BEND2: variants seen among roughly 807,000 people sequenced by gnomAD.
BEND2 encodes BEN domain containing 2, also known as BEN domain-containing protein 2.
Under a neutral mutation model 43.8 loss-of-function variants are expected in BEND2, and 19 were observed. The observed-to-expected ratio is 0.43, with a 90% CI of 0.30 to 0.64. BEND2 has a LOEUF of 0.64. Ranked by LOEUF, BEND2 falls within the 30% of genes least tolerant of loss-of-function variation. The probability of loss-of-function intolerance (pLI) is 0.11; values close to 1 mark genes in which losing one functional copy is unlikely to be tolerated. For missense variants in BEND2, 544 were observed against 574.0 expected (o/e 0.95, Z 0.53); for synonymous variants, 226 against 210.1 (o/e 1.08, Z -0.66).
Position 18,216,124 on chromosome X carries a change from T to C in BEND2, c.238+397A>G, listed in dbSNP as rs186681202. Among the ~76,000 whole-genome samples the C allele has an allele frequency of 5.3e-3, 587 of 111,742 alleles. 4 individuals are homozygous for C. The highest frequency in any genetic ancestry group is 0.018 in the African/African-American group (563 of 30,750). ...ACTTATGACTTCCAGGAGATTTTTG[T>C]TGCTTCTTTGAGACTTTCTACATAG... On this transcript the variant is annotated intron_variant, in intron 2 of 13. Transcript: ENST00000380033.
intron 6 of BEND2, among the ~76,000 whole-genome samples, chrX:18,198,917 T>C (rs1161059441): frequency 2.8e-5 from 3 of 105,758 alleles, no homozygotes; most frequent in African/African-American, 6.9e-5. Context: ...ATGGATGAAA[T>C]TGGAAATCAT....
chrX:18,212,638 A>T lies in BEND2; in HGVS notation c.419T>A (p.Val140Glu), dbSNP rs183117899. 7 of 1,208,613 alleles carry T rather than the reference A, an allele frequency of 5.8e-6. No individual in the cohort carries two copies. Among genetic ancestry groups the T allele is most frequent in the African/African-American group, 3.5e-5 (2 of 57,227 alleles). ...GTTGTAACTGTATCTTCTTAAATGT[A>T]CTGGGTGGTTTATCTGTGAAACTAT... The part of the protein sequence containing the change: ...DQIVSQINHP[V>E]HLRRYSYNSE... Residue 140 changes from valine (V) to glutamate (E), a missense_variant, in exon 4 of 14, where the codon GTA becomes GAA. Val to Glu is a moderately radical substitution (Grantham distance 121). Around this residue, in one of 2 missense-constraint regions of BEND2, gnomAD observed 501 missense variants for 501.6 expected, o/e 1.00. Transcript: ENST00000380033.
In BEND2 at chrX:18,209,553, G is replaced by T. The variant is rs184425835; in HGVS notation, c.492+3012C>A. On this transcript the variant is annotated intron_variant, in intron 4 of 13. Coordinates refer to ENST00000380033, the MANE Select transcript of BEND2 (RefSeq NM_153346.5). ...CTATCCCCCAATATGATTCAATGAG[G>T]AGATAACATCACTCATGTGTTACTC... Among the ~76,000 whole-genome samples, 30 of 111,731 alleles carry T rather than the reference G, an allele frequency of 2.7e-4. No homozygotes were observed. The East Asian group carries it at 7.6e-3, about 28-fold the overall frequency.
rs1483266404 is a variant in BEND2, at chrX:18,216,829, AACATATTTTAGCTGAAAATTTGTATT to A, written c.26-122_26-97del. The A allele has an allele frequency of 9.6e-5, 65 of 676,824 alleles. No homozygotes were observed. The African/African-American group carries it at 1.1e-3, about 11-fold the overall frequency. The allele number at this position is 676,824 out of a possible 1,213,427, so 55.8% of individuals were successfully genotyped here. A position where few individuals can be genotyped will look rare whatever the true frequency, so the allele number is the denominator to read the frequency against. On this transcript the variant is annotated intron_variant, in intron 1 of 13. Transcript: ENST00000380033. Reference sequence around the variant, plus strand: ...TTATAAAGTTATAGATTGTTTAAAAAACATATTTTAGCTGAAAATTTGTATTACATATTTTTATATCTGTAATCATT... The same window carrying A: ...TTATAAAGTTATAGATTGTTTAAAAAACATATTTTTATATCTGTAATCATT...
intron 11 of BEND2, among the ~76,000 whole-genome samples, chrX:18,175,575 G>A (rs1018673713): frequency 9.0e-6 from 1 of 111,615 alleles, no homozygotes; most frequent in Non-Finnish European, 1.9e-5. Flanking sequence ...AACAAGTAAC[G>A]AAGTGCCTGC....
Position 18,187,004 on chromosome X carries a change from C to A in BEND2, c.1288+3997G>T, listed in dbSNP as rs772316970. Among the ~76,000 whole-genome samples, 1,041 of 105,795 alleles carry A rather than the reference C, an allele frequency of 9.8e-3. 13 individuals carry two copies. Among genetic ancestry groups the A allele is most frequent in the African/African-American group, 0.034 (976 of 29,126 alleles). The allele number at this position is 105,795 out of a possible 115,157, so 91.9% of individuals were successfully genotyped here. A position where few individuals can be genotyped will look rare whatever the true frequency, so the allele number is the denominator to read the frequency against. ...AAAAGATACGATGGACACACACACA[C>A]AAAAACAAGAAATTAAATCATGCCA... On this transcript the variant is annotated intron_variant, in intron 8 of 13. Coordinates refer to ENST00000380033, the MANE Select transcript of BEND2 (RefSeq NM_153346.5).
chrX:18,184,406 C>T (rs973199435), intron 8 of BEND2, among the ~76,000 whole-genome samples: 8 of 111,815 alleles, frequency 7.2e-5, no homozygotes, highest in African/African-American at 2.6e-4. Flanking sequence ...CTCTTGAGCC[C>T]GGGAGGTGGA....
chrX:18,219,800 G>A (rs191901777), intron 1 of BEND2, among the ~76,000 whole-genome samples: 22 of 111,802 alleles, frequency 2.0e-4, no homozygotes, highest in African/African-American at 6.5e-4. Context: ...CCGCTCCTCA[G>A]GAGGCTGAGG....
chrX:18,191,199 T>C, intron 7 of BEND2, 91 bp from the exon 8 acceptor site: 1 of 665,416 alleles, frequency 1.5e-6, no homozygotes, highest in Non-Finnish European at 2.2e-6. Flanking sequence ...GGTGAAACTA[T>C]CCTTCAGGAA....
chrX:18,191,415 T>C lies in BEND2; in HGVS notation c.1181-307A>G, dbSNP rs747308243. 1.6e-4 allele frequency among the ~76,000 whole-genome samples: 18 copies of C among 111,815 alleles called. 2 individuals are homozygous for C. The South Asian group carries it at 6.7e-3, about 42-fold the overall frequency. The stretch of plus-strand genomic sequence containing the variant: ...AGAAACTAGGTCACTCACATGTTGC[T>C]GGTCGGGGTAGAAAATGGTACAGAC... On this transcript the variant is annotated intron_variant, in intron 7 of 13. Coordinates refer to ENST00000380033, the MANE Select transcript of BEND2 (RefSeq NM_153346.5).
chrX:18,165,053 C>T lies in BEND2; in HGVS notation c.2356G>A (p.Glu786Lys), dbSNP rs752606676. Residue 786 changes from glutamate (E) to lysine (K), a missense_variant, in exon 14 of 14, where the codon GAG (glutamate) becomes AAG (lysine). Glu to Lys is a moderately conservative substitution (Grantham distance 56). Coordinates refer to ENST00000380033, the MANE Select transcript of BEND2 (RefSeq NM_153346.5). ...PAVTPPELEQ[E>K]SKPGDPDATD... is the part of the protein sequence containing the mutation. The stretch of plus-strand genomic sequence containing the variant: ...GCGTCGGGATCTCCTGGCTTTGACT[C>T]CTGCTCCAGCTCTGGAGGGGTCACT... 2.2e-5 allele frequency: 26 copies of T among 1,207,760 alleles called. No individual in the cohort carries two copies. In the East Asian group the frequency reaches 7.1e-4, roughly 33 times the overall value.
chrX:18,181,442 A>C (rs1016068951), intron 8 of BEND2, among the ~76,000 whole-genome samples: 1 of 111,352 alleles, frequency 9.0e-6, no homozygotes, highest in African/African-American at 3.3e-5. Flanking sequence ...TGAATGGTTA[A>C]AGGAACTGTG....
intron 4 of BEND2, among the ~76,000 whole-genome samples, chrX:18,207,414 G>T (rs1925370891): frequency 9.0e-6 from 1 of 110,776 alleles, no homozygotes; most frequent in East Asian, 2.8e-4. Flanking sequence ...ACAAAACCTT[G>T]ATGGGCTGCC....
At chrX:18,173,995 A>T in intron 12 of BEND2, 35 bp downstream of exon 12, 2 of 1,108,009 alleles carry the variant, frequency 1.8e-6, no homozygotes, top group Non-Finnish European at 1.2e-6. Flanking sequence ...TCAGCAAGAG[A>T]ACTTATTTAA....
chrX:18,202,391 G>A (rs762871729), intron 5 of BEND2, among the ~76,000 whole-genome samples: 1 of 112,180 alleles, frequency 8.9e-6, no homozygotes, highest in Non-Finnish European at 1.9e-5. Context: ...AAATTCAGGT[G>A]TTGCCAATGT....
chrX:18,208,785 T>C (rs1925419453), intron 4 of BEND2, among the ~76,000 whole-genome samples: 1 of 111,430 alleles, frequency 9.0e-6, no homozygotes, highest in African/African-American at 3.3e-5. Flanking sequence ...GAAATATAGA[T>C]GTATGTGTGT....
At chrX:18,176,139 A>G in intron 10 of BEND2, 46 bp from the exon 11 acceptor site, 3 of 1,150,732 alleles carry the variant, frequency 2.6e-6, no homozygotes, top group Non-Finnish European at 3.5e-6. Context: ...AAAAAAATTA[A>G]CAAACTAATG....
intron 7 of BEND2, among the ~76,000 whole-genome samples, chrX:18,192,158 G>T (rs1924792223): frequency 1.8e-5 from 2 of 111,878 alleles, no homozygotes; most frequent in African/African-American, 6.5e-5. Context: ...TCTGTAATTT[G>T]TTTTTGCAGA....
At chrX:18,206,295 A>G (rs1925331413) in intron 4 of BEND2, among the ~76,000 whole-genome samples, 1 of 111,412 alleles carries the variant, frequency 9.0e-6, no homozygotes, top group African/African-American at 3.3e-5. Context: ...CTGAGGTGAG[A>G]ATTAAAACAT....
Sources: allele counts gnomAD v4.1 joint callset (sites outside exome capture counted in the v4.1 genomes callset), GRCh38; gene constraint gnomAD v4.1.1; regional missense constraint gnomAD v4.1.1; transcripts MANE v1.5; gene names NCBI Gene and HGNC (gene_info 2026-07-23, HGNC 2026-07-21).